The following ADAMTS18 variants were observed in gnomAD, a reference collection of about 807,000 sequenced individuals.
The protein encoded by ADAMTS18 is A disintegrin and metalloproteinase with thrombospondin motifs 18.
Under a neutral mutation model 165.9 loss-of-function variants are expected in ADAMTS18, and 157 were observed. The ratio of observed to expected loss-of-function variants is 0.95; its 90% CI spans 0.83 to 1.08. The LOEUF (loss-of-function observed/expected upper bound fraction) is 1.08. Among genes scored for constraint, ADAMTS18 ranks in the 50% least tolerant of loss-of-function variants. ADAMTS18 has a pLI of 0.00. For missense variants in ADAMTS18, 2,040 were observed against 1,534.0 expected (o/e 1.33, Z -5.51); for synonymous variants, 782 against 578.2 (o/e 1.35, Z -5.06).
At chr16:77,284,917 T>G (rs2055218869) in intron 22 of ADAMTS18, among the ~76,000 whole-genome samples, 1 of 152,124 alleles carries the variant, frequency 6.6e-6, no homozygotes, top group African/African-American at 2.4e-5. Flanking sequence ...TGCCTGCAAA[T>G]GGGTTGAGAT....
At chr16:77,358,264 T>C (rs1169996980) in intron 8 of ADAMTS18, among the ~76,000 whole-genome samples, 8 of 152,104 alleles carry the variant, frequency 5.3e-5, no homozygotes, top group Non-Finnish European at 1.0e-4. Flanking sequence ...CTAAAGATAA[T>C]AAATGTAGCT....
In ADAMTS18 at chr16:77,282,904, C is replaced by CTTTTTTTTTTTTTTTTTTT. The variant is rs1331401019; in HGVS notation, c.*1051_*1052insAAAAAAAAAAAAAAAAAAA. The CTTTTTTTTTTTTTTTTTTT allele has an allele frequency of 2.6e-5, 2 of 77,760 alleles. No homozygotes were observed. The highest frequency in any genetic ancestry group is 2.7e-5 in the Non-Finnish European group (1 of 36,970). The allele number at this position is 77,760 out of a possible 1,614,324, so 4.8% of individuals were successfully genotyped here. On this transcript the variant is annotated 3_prime_UTR_variant, in exon 23 of 23. Coordinates refer to ENST00000282849, the MANE Select transcript of ADAMTS18 (RefSeq NM_199355.4). Reference sequence around the variant, plus strand: ...TACCACTGTTTACTCCTTTCTTTCTCTCTTTTTTTTTTTTTTTTTTTTGCT... The same window carrying CTTTTTTTTTTTTTTTTTTT: ...TACCACTGTTTACTCCTTTCTTTCTCTTTTTTTTTTTTTTTTTTTTCTTTTTTTTTTTTTTTTTTTTGCT...
chr16:77,333,083 T>C (rs934170607), intron 12 of ADAMTS18, among the ~76,000 whole-genome samples: 2 of 152,176 alleles, frequency 1.3e-5, no homozygotes, highest in African/African-American at 2.4e-5. Flanking sequence ...TATATGACTG[T>C]AGAACCCTAG....
At chr16:77,300,911 C>T (rs1317324453) in intron 16 of ADAMTS18, among the ~76,000 whole-genome samples, 1 of 152,190 alleles carries the variant, frequency 6.6e-6, no homozygotes, top group Non-Finnish European at 1.5e-5. Context: ...AAGGGAAACA[C>T]TCCAAAACCC....
chr16:77,310,931 A>G (rs1567471648), intron 16 of ADAMTS18, among the ~76,000 whole-genome samples: 1 of 152,188 alleles, frequency 6.6e-6, no homozygotes, highest in Non-Finnish European at 1.5e-5. Flanking sequence ...TGCATCTCCA[A>G]TATCTAACAC....
At chr16:77,384,680 T>C (rs1032110933) in intron 3 of ADAMTS18, among the ~76,000 whole-genome samples, 2 of 152,154 alleles carry the variant, frequency 1.3e-5, no homozygotes, top group African/African-American at 4.8e-5. Context: ...GCAGTGAAGA[T>C]TGTACTAATT....
chr16:77,434,347 C>T, intron 2 of ADAMTS18, 71 bp downstream of exon 2: 1 of 1,516,400 alleles, frequency 6.6e-7, no homozygotes, highest in East Asian at 2.4e-5. Context: ...TCCATCTTTT[C>T]TCTCTTTGGG....
chr16:77,313,754 C>T (rs1237449631), intron 16 of ADAMTS18, among the ~76,000 whole-genome samples: 1 of 152,056 alleles, frequency 6.6e-6, no homozygotes, highest in Non-Finnish European at 1.5e-5. Context: ...TGAGGTGGAT[C>T]GAAGGCCTCT....
chr16:77,330,018 T>G (rs1465052458), intron 12 of ADAMTS18, among the ~76,000 whole-genome samples: 1 of 152,168 alleles, frequency 6.6e-6, no homozygotes, highest in Non-Finnish European at 1.5e-5. Context: ...TATATACATA[T>G]ACAGATTCCT....
chr16:77,341,245 G>A (rs375498102), intron 11 of ADAMTS18, among the ~76,000 whole-genome samples: 17 of 152,250 alleles, frequency 1.1e-4, no homozygotes, highest in African/African-American at 3.6e-4. Flanking sequence ...CCTTCAATAG[G>A]AAAGTCACTG....
intron 3 of ADAMTS18, among the ~76,000 whole-genome samples, chr16:77,393,940 G>A (rs781703850): frequency 2.0e-5 from 3 of 152,212 alleles, no homozygotes; most frequent in Non-Finnish European, 2.9e-5. Flanking sequence ...TAGCCGGGAT[G>A]TACACCATAT....
At chr16:77,418,061 C>A (rs1038558495) in intron 3 of ADAMTS18, among the ~76,000 whole-genome samples, 3 of 152,138 alleles carry the variant, frequency 2.0e-5, no homozygotes, top group African/African-American at 7.2e-5. Context: ...AAATACATCT[C>A]TGTTTCTTTA....
At chr16:77,333,959 A>G (rs1246354388) in intron 12 of ADAMTS18, among the ~76,000 whole-genome samples, 2 of 138,048 alleles carry the variant, frequency 1.4e-5, no homozygotes, top group Non-Finnish European at 3.0e-5. Flanking sequence ...CATATATACT[A>G]TATATAATAT....
chr16:77,287,805 C>A (rs1194900070), intron 22 of ADAMTS18, among the ~76,000 whole-genome samples: 1 of 152,180 alleles, frequency 6.6e-6, no homozygotes, highest in African/African-American at 2.4e-5. Flanking sequence ...TTCTCATATG[C>A]ACCCTATGAC....
chr16:77,360,181 C>A (rs966612605), intron 7 of ADAMTS18, among the ~76,000 whole-genome samples: 2 of 152,164 alleles, frequency 1.3e-5, no homozygotes, highest in Non-Finnish European at 2.9e-5. Flanking sequence ...GAAGTGAGAT[C>A]AGCTGGGAAA....
At chr16:77,287,665 T>A (rs866085770) in intron 22 of ADAMTS18, among the ~76,000 whole-genome samples, 5 of 152,078 alleles carry the variant, frequency 3.3e-5, no homozygotes, top group African/African-American at 1.2e-4. Context: ...AGAGACGGGG[T>A]TTCACCATAT....
Position 77,400,077 on chromosome 16 carries a change from T to A in ADAMTS18, c.495+31218A>T, listed in dbSNP as rs536929582. Among the ~76,000 whole-genome samples, 108 of 152,230 alleles carry A rather than the reference T, an allele frequency of 7.1e-4. 1 individual carries two copies. Among genetic ancestry groups the A allele is most frequent in the Middle Eastern group, 3.4e-3 (1 of 294 alleles). ...TAGCCAGATATCTCAAATAAGCTAA[T>A]ACAATTTAAAATGGAATCTCTGACC... On this transcript the variant is annotated intron_variant, in intron 3 of 22. Coordinates refer to ENST00000282849, the MANE Select transcript of ADAMTS18 (RefSeq NM_199355.4).
intron 3 of ADAMTS18, among the ~76,000 whole-genome samples, chr16:77,391,384 G>A (rs111353795): frequency 2.6e-5 from 4 of 151,998 alleles, no homozygotes; most frequent in African/African-American, 7.2e-5. Context: ...CCAGCTACTC[G>A]GAAGGCTGAA....
intron 16 of ADAMTS18, among the ~76,000 whole-genome samples, chr16:77,312,023 T>C (rs1205524639): frequency 6.6e-6 from 1 of 152,188 alleles, no homozygotes; most frequent in South Asian, 2.1e-4. Flanking sequence ...AAACATATTA[T>C]ACATATCCAA....
Sources: gnomAD v4.1 joint callset for allele counts (sites outside exome capture counted in the v4.1 genomes callset) on GRCh38, gnomAD v4.1.1 for gene constraint, MANE v1.5 for transcripts, NCBI Gene and HGNC (gene_info 2026-07-23, HGNC 2026-07-21) for gene names.